The following RAB27B variants were observed in gnomAD, a reference collection of about 807,000 sequenced individuals.
The protein encoded by RAB27B is ras-related protein Rab-27B.
In RAB27B, 15 loss-of-function variants were observed where a neutral mutation model predicts 24.6. That is an observed-to-expected ratio of 0.61 (90% CI 0.41 to 0.94). The LOEUF (loss-of-function observed/expected upper bound fraction) is 0.94. RAB27B is among the 40% of genes least tolerant of loss of function. The pLI is 0.00. For synonymous variants in RAB27B, 105 were observed against 92.5 expected, an observed-to-expected ratio of 1.14 and a Z score of -0.78; for missense variants, 261 against 266.8, an observed-to-expected ratio of 0.98 and a Z score of 0.15.
At chr18:54,753,901 TACCAGCAG>T (rs1384364568) in intron 2 of RAB27B, among the ~76,000 whole-genome samples, 5 of 152,190 alleles carry the variant, frequency 3.3e-5, no homozygotes, top group African/African-American at 1.2e-4. Flanking sequence ...GAAATATTTA[TACCAGCAG>T]ACCCAACTGT....
chr18:54,833,882 A>G (rs1256796351), intron 1 of RAB27B, among the ~76,000 whole-genome samples: 2 of 152,206 alleles, frequency 1.3e-5, no homozygotes, highest in Non-Finnish European at 2.9e-5. Flanking sequence ...AGAGAGGCAC[A>G]AAGTGAGTCT....
intron 2 of RAB27B, chr18:54,745,313 C>A: frequency 5.5e-6 from 1 of 182,462 alleles, no homozygotes; most frequent in Non-Finnish European, 1.2e-5. Flanking sequence ...CCGTGAACGC[C>A]CATGGGAGGT....
chr18:54,728,875 C>CAAA (rs56161105), intron 2 of RAB27B, among the ~76,000 whole-genome samples: 407 of 36,526 alleles, frequency 0.011, 13 homozygotes, highest in African/African-American at 0.023. Context: ...GACTCTGTCT[C>CAAA]AAAAAAAAAA....
intron 2 of RAB27B, among the ~76,000 whole-genome samples, chr18:54,771,260 TA>T (rs149692481): frequency 0.054 from 8,236 of 152,216 alleles, 285 homozygotes; most frequent in South Asian, 0.084. Flanking sequence ...AGCATTGATA[TA>T]AAAAAACTGC....
At chr18:54,750,088 T>A (rs927457722) in intron 2 of RAB27B, among the ~76,000 whole-genome samples, 6 of 152,222 alleles carry the variant, frequency 3.9e-5, no homozygotes, top group African/African-American at 1.4e-4. Context: ...GCTATATTTA[T>A]GTGCAACAGA....
intron 1 of RAB27B, among the ~76,000 whole-genome samples, chr18:54,874,541 C>T (rs1912613282): frequency 6.8e-6 from 1 of 147,136 alleles, no homozygotes; most frequent in African/African-American, 2.5e-5. Flanking sequence ...GACTGTCACG[C>T]ATTCATACAC....
intron 3 of RAB27B, among the ~76,000 whole-genome samples, chr18:54,882,567 T>C (rs1351234128): frequency 1.3e-5 from 2 of 152,114 alleles, no homozygotes; most frequent in East Asian, 3.9e-4. Flanking sequence ...TCTGATACCA[T>C]TATGTATTTG....
chr18:54,796,793 G>A (rs1909435389), intron 2 of RAB27B, among the ~76,000 whole-genome samples: 1 of 152,162 alleles, frequency 6.6e-6, no homozygotes, highest in Non-Finnish European at 1.5e-5. Context: ...TCTCACTTAG[G>A]TCTGCAAACA....
At chr18:54,720,284 G>A (rs971814229) in intron 2 of RAB27B, among the ~76,000 whole-genome samples, 20 of 152,060 alleles carry the variant, frequency 1.3e-4, no homozygotes, top group African/African-American at 4.1e-4. Flanking sequence ...AAGTCTTGCA[G>A]CCCAAGAGAT....
chr18:54,886,240 C>G (rs1913130483), intron 4 of RAB27B, among the ~76,000 whole-genome samples: 1 of 152,120 alleles, frequency 6.6e-6, no homozygotes, highest in South Asian at 2.1e-4. Context: ...CAGCCATCAC[C>G]TGACATGATG....
intron 1 of RAB27B, among the ~76,000 whole-genome samples, chr18:54,876,655 T>C (rs1833290): frequency 0.9 from 137,364 of 152,028 alleles, 63,696 homozygotes; most frequent in East Asian, 1. Context: ...TCGGTGTTAC[T>C]GGTACAGGAT....
chr18:54,849,700 G>A (rs1164963702), intron 1 of RAB27B, among the ~76,000 whole-genome samples: 4 of 152,126 alleles, frequency 2.6e-5, no homozygotes, highest in Non-Finnish European at 4.4e-5. Context: ...CAGCCTGGGC[G>A]ACAGAGCCAG....
intron 2 of RAB27B, among the ~76,000 whole-genome samples, chr18:54,776,834 G>A (rs1908731367): frequency 6.6e-6 from 1 of 152,096 alleles, no homozygotes; most frequent in Non-Finnish European, 1.5e-5. Context: ...CAAGGCTGGT[G>A]AATCACTTGA....
At chr18:54,855,872 G>A (rs1440355756) in intron 1 of RAB27B, among the ~76,000 whole-genome samples, 1 of 152,116 alleles carries the variant, frequency 6.6e-6, no homozygotes, top group East Asian at 1.9e-4. Context: ...TTTCTAATAT[G>A]TACACCCTGA....
intron 2 of RAB27B, among the ~76,000 whole-genome samples, chr18:54,778,518 G>A (rs76424479): frequency 0.031 from 4,724 of 152,200 alleles, 260 homozygotes; most frequent in African/African-American, 0.11. Flanking sequence ...GAATCTCTTC[G>A]CTGAGCCCAT....
chr18:54,849,184 A>G (rs555964592), intron 1 of RAB27B, among the ~76,000 whole-genome samples: 1 of 152,202 alleles, frequency 6.6e-6, no homozygotes, highest in East Asian at 1.9e-4. Context: ...GCCTTGGTAC[A>G]CTCGGGCTAG....
intron 1 of RAB27B, among the ~76,000 whole-genome samples, chr18:54,851,476 A>G (rs1453061922): frequency 6.6e-6 from 1 of 152,106 alleles, no homozygotes; most frequent in Non-Finnish European, 1.5e-5. Context: ...CTTTTTTTGC[A>G]CAAGAATTAG....
At chr18:54,792,806 A>T (rs1397077044) in intron 2 of RAB27B, among the ~76,000 whole-genome samples, 2 of 152,254 alleles carry the variant, frequency 1.3e-5, no homozygotes, top group Non-Finnish European at 2.9e-5. Context: ...GGTATTCTAA[A>T]GTTCCGGTAG....
chr18:54,762,718 C>T (rs1302338824), intron 2 of RAB27B, among the ~76,000 whole-genome samples: 1 of 152,076 alleles, frequency 6.6e-6, no homozygotes, highest in Non-Finnish European at 1.5e-5. Flanking sequence ...AATCACATAC[C>T]TTCCTCCTCC....
Sources: allele counts gnomAD v4.1 joint callset (sites outside exome capture counted in the v4.1 genomes callset), GRCh38; gene constraint gnomAD v4.1.1; transcripts MANE v1.5; gene names NCBI Gene and HGNC (gene_info 2026-07-23, HGNC 2026-07-21).